Variants in BACH2 observed in about 807,000 individuals in gnomAD.
BACH2 encodes the protein transcription regulator protein BACH2.
In BACH2, 5 loss-of-function variants were observed where a neutral mutation model predicts 61.8. The observed-to-expected ratio is 0.08, with a 90% CI of 0.04 to 0.17. The LOEUF is 0.17. Among genes scored for constraint, BACH2 ranks in the 10% least tolerant of loss-of-function variants. The pLI is 1.00. For synonymous variants in BACH2, 446 were observed against 440.1 expected (o/e 1.01, Z -0.17); for missense variants, 824 against 1,091.1 (o/e 0.76, Z 3.45).
chr6:90,239,543 T>C (rs1352412247), intron 3 of BACH2, among the ~76,000 whole-genome samples: 2 of 152,164 alleles, frequency 1.3e-5, no homozygotes, highest in Non-Finnish European at 2.9e-5. Context: ...TATAGGAGGA[T>C]TCTCTTTTCA....
chr6:90,285,676 G>A (rs1413124967), intron 1 of BACH2, among the ~76,000 whole-genome samples: 9 of 152,158 alleles, frequency 5.9e-5, no homozygotes, highest in Non-Finnish European at 1.5e-5. Flanking sequence ...AGGAGAAGAG[G>A]ACCCAGCTCA....
At chr6:90,076,053 C>T (rs966478880) in intron 5 of BACH2, among the ~76,000 whole-genome samples, 5 of 151,860 alleles carry the variant, frequency 3.3e-5, no homozygotes, top group African/African-American at 4.8e-5. Context: ...ATAGAAGAAG[C>T]GAAAAAAATG....
chr6:90,266,902 T>C (rs1315894013), intron 2 of BACH2, among the ~76,000 whole-genome samples: 1 of 152,142 alleles, frequency 6.6e-6, no homozygotes, highest in Admixed American at 6.6e-5. Context: ...GTTAATTCTA[T>C]ATGAACTTAC....
At chr6:90,030,473 G>A (rs914776527) in intron 5 of BACH2, among the ~76,000 whole-genome samples, 27 of 152,114 alleles carry the variant, frequency 1.8e-4, no homozygotes, top group African/African-American at 5.8e-4. Context: ...TAATCAAGAA[G>A]AAAAGAGAGA....
At chr6:90,245,326 C>G (rs1173740381) in intron 3 of BACH2, among the ~76,000 whole-genome samples, 2 of 152,160 alleles carry the variant, frequency 1.3e-5, no homozygotes, top group Non-Finnish European at 2.9e-5. Flanking sequence ...CTCAGTGGCT[C>G]ACACTTGTAA....
At chr6:90,207,970 C>T (rs1474450953) in intron 3 of BACH2, among the ~76,000 whole-genome samples, 3 of 152,310 alleles carry the variant, frequency 2.0e-5, no homozygotes, top group Admixed American at 6.5e-5. Flanking sequence ...AATATTACTA[C>T]GTTCCTTTTA....
intron 5 of BACH2, among the ~76,000 whole-genome samples, chr6:90,027,802 A>C (rs1387776642): frequency 6.6e-6 from 1 of 152,210 alleles, no homozygotes; most frequent in African/African-American, 2.4e-5. Context: ...AACGAGATGA[A>C]GCAATAAAGT....
intron 4 of BACH2, among the ~76,000 whole-genome samples, chr6:90,127,384 T>TG (rs1366719834): frequency 6.6e-6 from 1 of 152,142 alleles, no homozygotes; most frequent in African/African-American, 2.4e-5. Context: ...GCCTTGCTGG[T>TG]GGTTTTTCCT....
intron 8 of BACH2, among the ~76,000 whole-genome samples, chr6:89,933,266 CA>C (rs1388606062): frequency 1.3e-5 from 2 of 152,074 alleles, no homozygotes; most frequent in Non-Finnish European, 2.9e-5. Context: ...AAATCTCCCC[CA>C]AATGTATCAG....
intron 6 of BACH2, among the ~76,000 whole-genome samples, chr6:89,987,860 C>T (rs1054082985): frequency 2.0e-5 from 3 of 152,146 alleles, no homozygotes; most frequent in African/African-American, 7.2e-5. Flanking sequence ...CAGCCCAACA[C>T]GTGTTATGGT....
intron 4 of BACH2, among the ~76,000 whole-genome samples, chr6:90,091,765 G>T (rs1184376037): frequency 6.6e-6 from 1 of 152,044 alleles, no homozygotes; most frequent in African/African-American, 2.4e-5. Flanking sequence ...ATCCTATTTT[G>T]GGAGTGATTT....
chr6:90,065,270 C>CCTT (rs1780894736), intron 5 of BACH2, among the ~76,000 whole-genome samples: 3 of 52,648 alleles, frequency 5.7e-5, no homozygotes, highest in African/African-American at 2.0e-4. Flanking sequence ...GCCGCCCCCA[C>CCTT]TTTTTTTTTT....
intron 5 of BACH2, among the ~76,000 whole-genome samples, chr6:90,025,502 C>G (rs1238595502): frequency 6.6e-6 from 1 of 152,140 alleles, no homozygotes; most frequent in Admixed American, 6.6e-5. Flanking sequence ...GCATGTGCTT[C>G]ATGCCTATTA....
intron 5 of BACH2, among the ~76,000 whole-genome samples, chr6:90,072,965 A>G (rs955975400): frequency 6.6e-6 from 1 of 152,228 alleles, no homozygotes; most frequent in Non-Finnish European, 1.5e-5. Flanking sequence ...CTGTCCTCAC[A>G]TAGCTTATAA....
chr6:90,077,662 A>G (rs185302917), intron 5 of BACH2, among the ~76,000 whole-genome samples: 3 of 152,216 alleles, frequency 2.0e-5, no homozygotes, highest in Admixed American at 2.0e-4. Flanking sequence ...AAAACAACCC[A>G]GCAAAATACA....
intron 4 of BACH2, among the ~76,000 whole-genome samples, chr6:90,104,945 C>G (rs1375727308): frequency 1.3e-5 from 2 of 152,140 alleles, no homozygotes; most frequent in Non-Finnish European, 2.9e-5. Context: ...TTAAATCTGG[C>G]CTTCCGAAAG....
chr6:90,130,902 T>C (rs527884022), intron 4 of BACH2, among the ~76,000 whole-genome samples: 2 of 152,384 alleles, frequency 1.3e-5, no homozygotes, highest in Admixed American at 1.3e-4. Context: ...ATAAAATTCA[T>C]CTGATACTAC....
At chr6:90,234,891 G>C (rs1424225017) in intron 3 of BACH2, among the ~76,000 whole-genome samples, 1 of 152,176 alleles carries the variant, frequency 6.6e-6, no homozygotes, top group East Asian at 1.9e-4. Context: ...CACTAGCTGG[G>C]TGACCTTGGG....
intron 3 of BACH2, among the ~76,000 whole-genome samples, chr6:90,226,324 C>G (rs181786576): frequency 2.0e-4 from 30 of 152,264 alleles, no homozygotes; most frequent in Admixed American, 9.8e-4. Context: ...TGACTTGCCT[C>G]AAGAGGAGAC....
Sources: allele counts gnomAD v4.1 joint callset (sites outside exome capture counted in the v4.1 genomes callset), GRCh38; gene constraint gnomAD v4.1.1; transcripts MANE v1.5; gene names NCBI Gene and HGNC (gene_info 2026-07-23, HGNC 2026-07-21).